SPOCK1: variants seen among roughly 807,000 people sequenced by gnomAD.
SPOCK1 encodes SPARC (osteonectin), cwcv and kazal like domains proteoglycan 1.
Under a neutral mutation model 55.3 loss-of-function variants are expected in SPOCK1, and 23 were observed. That is an observed-to-expected ratio of 0.42 (90% confidence interval 0.30 to 0.59). SPOCK1 has a LOEUF of 0.59. SPOCK1 is among the 20% of genes least tolerant of loss of function. The pLI is 0.22. For missense variants in SPOCK1, 499 were observed against 552.5 expected (o/e 0.90, Z 0.97); for synonymous variants, 226 against 221.0 (o/e 1.02, Z -0.20).
At chr5:137,124,557 C>T (rs1203293086) in intron 4 of SPOCK1, among the ~76,000 whole-genome samples, 2 of 152,198 alleles carry the variant, frequency 1.3e-5, no homozygotes, top group Non-Finnish European at 2.9e-5. Flanking sequence ...AAACCTAGGC[C>T]AGGCATGGAA....
At chr5:137,313,457 T>A in intron 2 of SPOCK1, 1 of 985,366 alleles carries the variant, frequency 1.0e-6, no homozygotes, top group South Asian at 4.7e-5. Flanking sequence ...CAGGAAATCA[T>A]CAGGGCACAG....
intron 3 of SPOCK1, among the ~76,000 whole-genome samples, chr5:137,211,384 T>C (rs1755612419): frequency 6.6e-6 from 1 of 152,188 alleles, no homozygotes; most frequent in African/African-American, 2.4e-5. Flanking sequence ...TACTGTGATA[T>C]TGTGAAAGAA....
Position 137,204,783 on chromosome 5 carries a change from G to A in SPOCK1, c.232+62227C>T, listed in dbSNP as rs191058019. Among the ~76,000 whole-genome samples, 24 of 152,198 alleles carry A rather than the reference G, an allele frequency of 1.6e-4. No individual in the cohort carries two copies. The East Asian group carries it at 2.9e-3, about 18-fold the overall frequency. On this transcript the variant is annotated intron_variant, in intron 3 of 10. Coordinates refer to ENST00000394945, the MANE Select transcript of SPOCK1 (RefSeq NM_004598.4). Reference sequence around the variant, plus strand: ...TGCCTTTGGAATAAGGTCCATATCCGAATTGACCTCCACTGACCCCTGCAA... The same window carrying A: ...TGCCTTTGGAATAAGGTCCATATCCAAATTGACCTCCACTGACCCCTGCAA...
At chr5:137,171,144 C>T (rs1315416471) in intron 3 of SPOCK1, among the ~76,000 whole-genome samples, 1 of 152,196 alleles carries the variant, frequency 6.6e-6, no homozygotes, top group East Asian at 1.9e-4. Context: ...ATCCTCAATG[C>T]ACCCGAGACT....
intron 2 of SPOCK1, among the ~76,000 whole-genome samples, chr5:137,455,603 A>T (rs570286441): frequency 1.3e-5 from 2 of 152,320 alleles, no homozygotes; most frequent in East Asian, 3.9e-4. Flanking sequence ...ATCTGTGCTG[A>T]TGTGGTCTAT....
intron 2 of SPOCK1, among the ~76,000 whole-genome samples, chr5:137,425,412 C>T (rs547414444): frequency 1.3e-5 from 2 of 152,138 alleles, no homozygotes; most frequent in East Asian, 3.9e-4. Context: ...CCACAACCTG[C>T]CCTCCAAAAA....
intron 6 of SPOCK1, among the ~76,000 whole-genome samples, chr5:137,013,759 G>T (rs577756663): frequency 6.6e-6 from 1 of 152,268 alleles, no homozygotes; most frequent in East Asian, 1.9e-4. Context: ...TGGATCTGTA[G>T]ACATAAATTC....
chr5:137,492,603 A>G (rs1301038874), intron 2 of SPOCK1, among the ~76,000 whole-genome samples: 1 of 152,216 alleles, frequency 6.6e-6, no homozygotes, highest in Non-Finnish European at 1.5e-5. Flanking sequence ...CCAAAGGAAT[A>G]TTATTATCAT....
intron 6 of SPOCK1, among the ~76,000 whole-genome samples, chr5:137,067,402 T>G (rs1660308890): frequency 6.6e-6 from 1 of 152,164 alleles, no homozygotes; most frequent in African/African-American, 2.4e-5. Flanking sequence ...CAAGAAAGAC[T>G]AAGATGTACC....
Position 136,988,533 on chromosome 5 carries a change from A to C in SPOCK1, c.817T>G (p.Tyr273Asp), listed in dbSNP as rs1490261166. 1.2e-6 allele frequency: 2 copies of C among 1,614,188 alleles called. No individual in the cohort carries two copies. The highest frequency in any genetic ancestry group is 2.2e-5 in the South Asian group (2 of 91,086). Residue 273 changes from tyrosine (Y) to aspartate (D), a missense_variant, in exon 8 of 11, where the codon TAC (tyrosine) becomes GAC (aspartate). This residue lies in a region of SPOCK1 where 386 missense variants were observed against 400.6 expected (regional missense o/e 0.96). Transcript: ENST00000394945. Reference protein sequence around the residue: ...LLDPSEINAIYLDKYEPCIKP... With the variant: ...LLDPSEINAIDLDKYEPCIKP... ...ATACAGGGCTCGTACTTATCCAGGT[A>C]GATGGCATTGATCTCTGAAGGGTCA...
chr5:137,339,566 G>A (rs1243557267), intron 2 of SPOCK1, among the ~76,000 whole-genome samples: 4 of 152,174 alleles, frequency 2.6e-5, no homozygotes, highest in African/African-American at 9.7e-5. Flanking sequence ...TCCGCATCAA[G>A]CTAAACCTAA....
At chr5:137,250,847 C>T (rs1272702621) in intron 3 of SPOCK1, among the ~76,000 whole-genome samples, 1 of 152,212 alleles carries the variant, frequency 6.6e-6, no homozygotes, top group East Asian at 1.9e-4. Flanking sequence ...GTACAAATCA[C>T]ACTTGCCTGT....
intron 9 of SPOCK1, among the ~76,000 whole-genome samples, chr5:136,980,947 T>C (rs989366873): frequency 2.6e-5 from 4 of 152,154 alleles, no homozygotes; most frequent in Admixed American, 1.3e-4. Flanking sequence ...TTGATTTTGG[T>C]TTTGATTTAC....
intron 3 of SPOCK1, among the ~76,000 whole-genome samples, chr5:137,171,340 C>T (rs906164901): frequency 3.9e-5 from 6 of 152,090 alleles, no homozygotes; most frequent in African/African-American, 1.2e-4. Context: ...CCTTGGGGAC[C>T]GAAAGGGGAT....
At chr5:137,006,192 T>G (rs1458192278) in intron 6 of SPOCK1, among the ~76,000 whole-genome samples, 2 of 152,222 alleles carry the variant, frequency 1.3e-5, no homozygotes, top group Admixed American at 6.5e-5. Context: ...ATACGGGCTC[T>G]TTTTTGGTAC....
At chr5:137,190,941 C>T (rs1174460937) in intron 3 of SPOCK1, among the ~76,000 whole-genome samples, 1 of 152,198 alleles carries the variant, frequency 6.6e-6, no homozygotes, top group Non-Finnish European at 1.5e-5. Flanking sequence ...TTGAGGTCCA[C>T]CTGTTTCAGA....
intron 2 of SPOCK1, among the ~76,000 whole-genome samples, chr5:137,473,434 G>A (rs1291421422): frequency 6.6e-6 from 1 of 152,188 alleles, no homozygotes; most frequent in Non-Finnish European, 1.5e-5. Context: ...TGTTTTTGTA[G>A]AAAGAAACAC....
At chr5:137,240,694 G>T (rs1337524764) in intron 3 of SPOCK1, among the ~76,000 whole-genome samples, 1 of 152,096 alleles carries the variant, frequency 6.6e-6, no homozygotes, top group Admixed American at 6.5e-5. Flanking sequence ...TTGTTTTTAG[G>T]TTGGAGATTA....
intron 3 of SPOCK1, among the ~76,000 whole-genome samples, chr5:137,151,659 T>C (rs1754321140): frequency 6.6e-6 from 1 of 152,144 alleles, no homozygotes. Context: ...CAAAAATATA[T>C]CCCATGCCCC....
Sources: gnomAD v4.1 joint callset for allele counts (sites outside exome capture counted in the v4.1 genomes callset) on GRCh38, gnomAD v4.1.1 for gene constraint, gnomAD v4.1.1 regional missense constraint, MANE v1.5 for transcripts, NCBI Gene and HGNC (gene_info 2026-07-23, HGNC 2026-07-21) for gene names.